CNGB1: variants seen among roughly 807,000 people sequenced by gnomAD.
The protein encoded by CNGB1 is cyclic nucleotide-gated channel beta-1.
In CNGB1, 126 loss-of-function variants were observed where a neutral mutation model predicts 151.7. The ratio of observed to expected loss-of-function variants is 0.83; its 90% CI spans 0.72 to 0.96. The LOEUF (loss-of-function observed/expected upper bound fraction) is 0.96, where lower values mean the gene tolerates loss of function less well. Ranked by LOEUF, CNGB1 falls within the 40% of genes least tolerant of loss-of-function variation. The pLI, the probability that CNGB1 is intolerant of heterozygous loss-of-function variation, is 0.00. For missense variants in CNGB1, 1,698 were observed against 1,627.0 expected, an observed-to-expected ratio of 1.04 and a Z score of -0.75; for synonymous variants, 623 against 635.1, an observed-to-expected ratio of 0.98 and a Z score of 0.29.
At position 57,967,119 on chromosome 16, in the gene CNGB1, A is replaced by G. The variant is rs949153518; in HGVS notation, c.159+9T>C. On this transcript the variant is annotated intron_variant, in intron 2 of 32. Coordinates refer to ENST00000251102, the MANE Select transcript of CNGB1 (RefSeq NM_001297.5). ...GCCGGCCTGCCCCTCCTCCCGCTCT[A>G]CCTCTCACCATGGACTCGGACTCTG... 5 of 1,613,590 alleles carry G rather than the reference A, an allele frequency of 3.1e-6. No homozygotes were observed. Among genetic ancestry groups the G allele is most frequent in the Admixed American group, 3.3e-5 (2 of 59,952 alleles).
chr16:57,910,952 G>C (rs984019352), intron 25 of CNGB1, among the ~76,000 whole-genome samples: 8 of 152,154 alleles, frequency 5.3e-5, no homozygotes, highest in Non-Finnish European at 1.2e-4. Flanking sequence ...ACTTGTGCCA[G>C]ATTCTTTTTG....
At chr16:57,915,053 T>C (rs758647075) in intron 23 of CNGB1, among the ~76,000 whole-genome samples, 196 bp downstream of exon 23, 9 of 152,134 alleles carry the variant, frequency 5.9e-5, no homozygotes, top group African/African-American at 1.2e-4. Context: ...CTACCTAACA[T>C]GCAGCACCAC....
intron 24 of CNGB1, 97 bp downstream of exon 24, chr16:57,912,811 TTGTGTGTGTCGTGTGTGTGTTG>T: frequency 2.0e-6 from 2 of 1,000,610 alleles, no homozygotes; most frequent in South Asian, 1.3e-5. Flanking sequence ...TGTGTGTGTG[TTGTGTGTGTCGTGTGTGTGTTG>T]TGTGTGTGTC....
Position 57,884,282 on chromosome 16 carries a change from T to A in CNGB1, c.3638A>T (p.Glu1213Val), listed in dbSNP as rs1959842595. 1 of 1,612,590 alleles carries A rather than the reference T, an allele frequency of 6.2e-7. No homozygotes were observed. Among genetic ancestry groups the A allele is most frequent in the Admixed American group, 1.7e-5 (1 of 59,940 alleles). ...GTGCTCTTCGGGCTCGGCCGGCCCCTCCTCCTCTCCCTCCGGCCTCCCAAG... is the reference window on the plus strand; with the variant it reads ...GTGCTCTTCGGGCTCGGCCGGCCCCACCTCCTCTCCCTCCGGCCTCCCAAG... ...ASLGRPEGEE[E>V]GPAEPEEHSV... is the part of the protein sequence containing the mutation. Residue 1213 changes from glutamate (E) to valine (V), a missense_variant, in exon 33 of 33, where the codon GAG becomes GTG. Glu to Val is a moderately radical substitution (Grantham distance 121). Transcript: ENST00000251102.
At chr16:57,932,749 T>G (rs1406955584) in intron 16 of CNGB1, among the ~76,000 whole-genome samples, 1 of 151,926 alleles carries the variant, frequency 6.6e-6, no homozygotes, top group African/African-American at 2.4e-5. Context: ...CCCGGCTAAT[T>G]TTTTGTATTT....
chr16:57,951,581 T>C (rs1226767105), intron 12 of CNGB1, among the ~76,000 whole-genome samples: 4 of 152,152 alleles, frequency 2.6e-5, no homozygotes, highest in Middle Eastern at 3.2e-3. Flanking sequence ...ACTTTGGCTG[T>C]TATTGTTCAT....
intron 22 of CNGB1, 104 bp downstream of exon 22, chr16:57,916,024 TG>T (rs1440770494): frequency 9.3e-7 from 1 of 1,078,682 alleles, no homozygotes; most frequent in Non-Finnish European, 1.4e-6. Flanking sequence ...CATCCCTCCG[TG>T]TGGCAGAAAC....
intron 14 of CNGB1, chr16:57,946,716 T>G (rs1172714935): frequency 2.6e-5 from 4 of 152,250 alleles, no homozygotes; most frequent in African/African-American, 9.6e-5. Context: ...AACCTGTGTC[T>G]CTGCAAAGCT....
chr16:57,920,376 T>C lies in CNGB1; in HGVS notation c.1801+11A>G. On this transcript the variant is annotated intron_variant, in intron 19 of 32. Transcript: ENST00000251102. The stretch of plus-strand genomic sequence containing the variant: ...CCCATCCAGGTAGACCCCCTCCAGC[T>C]CCAGACTCACAGGGCTTGGGGCTCT... 2 of 1,613,980 alleles carry C rather than the reference T, an allele frequency of 1.2e-6. No individual in the cohort carries two copies. Among genetic ancestry groups the C allele is most frequent in the African/African-American group, 1.3e-5 (1 of 75,052 alleles).
chr16:57,932,077 C>T (rs971931199), intron 16 of CNGB1, among the ~76,000 whole-genome samples, 199 bp from the exon 17 acceptor site: 2 of 152,136 alleles, frequency 1.3e-5, no homozygotes, highest in African/African-American at 2.4e-5. Context: ...AGGGTCACAG[C>T]CACCAGCCCA....
At chr16:57,903,601 C>G (rs1406607310) in intron 27 of CNGB1, among the ~76,000 whole-genome samples, 2 of 152,158 alleles carry the variant, frequency 1.3e-5, no homozygotes, top group African/African-American at 4.8e-5. Flanking sequence ...GAAGACAAGC[C>G]CCCCGTCTCC....
chr16:57,885,598 CTTT>C, intron 32 of CNGB1, among the ~76,000 whole-genome samples: 1 of 138,262 alleles, frequency 7.2e-6, no homozygotes, highest in African/African-American at 2.7e-5. Context: ...TTCTTTCTTT[CTTT>C]CTTTCTTTCT....
At chr16:57,941,784 A>G (rs1424592078) in intron 14 of CNGB1, among the ~76,000 whole-genome samples, 1 of 152,322 alleles carries the variant, frequency 6.6e-6, no homozygotes, top group South Asian at 2.1e-4. Context: ...CTTTAAGATC[A>G]AGAACAAGAC....
At chr16:57,917,049 A>G (rs1350672821) in intron 21 of CNGB1, among the ~76,000 whole-genome samples, 1 of 152,224 alleles carries the variant, frequency 6.6e-6, no homozygotes, top group Non-Finnish European at 1.5e-5. Flanking sequence ...TGGTCCAGGA[A>G]CTATTTCACC....
In CNGB1 at chr16:57,960,919, C is replaced by T. The variant is rs1346487992; in HGVS notation, c.459-4G>A. ...CAGAAGCAGCCGCAGCCCAGGCCTG[C>T]AGAGGGGCCAGTGATCAGCAGAGTG... On this transcript the variant is annotated splice_polypyrimidine_tract_variant and splice_region_variant and intron_variant, in intron 7 of 32. Transcript: ENST00000251102. 6.2e-7 allele frequency: 1 copy of T among 1,614,118 alleles called. No homozygotes were observed.
chr16:57,930,750 C>CA (rs745809393), intron 17 of CNGB1, among the ~76,000 whole-genome samples: 1 of 151,890 alleles, frequency 6.6e-6, no homozygotes, highest in Non-Finnish European at 1.5e-5. Flanking sequence ...AAGCTAGTCC[C>CA]AAAAAGATAA....
chr16:57,952,585 C>T (rs1371114075), intron 12 of CNGB1, among the ~76,000 whole-genome samples: 1 of 148,044 alleles, frequency 6.8e-6, no homozygotes, highest in Non-Finnish European at 1.5e-5. Context: ...TCACTGCAAC[C>T]TCCGCCTCCC....
In CNGB1 at chr16:57,897,860, C is replaced by T. The variant is rs1960277470; in HGVS notation, c.3031G>A (p.Gly1011Ser). ...IIQAGQVQVL[G>S]GPDGKSVLVT... Reference sequence around the variant, plus strand: ...AGCACAGATTTCCCATCAGGGCCGCCCAAGACCTGCACTTGCCCTGCCTGG... The same window carrying T: ...AGCACAGATTTCCCATCAGGGCCGCTCAAGACCTGCACTTGCCCTGCCTGG... The change falls in exon 30 of 33, where the codon GGC (glycine) becomes AGC (serine). Residue 1011 changes from glycine (G) to serine (S), a missense_variant. Physicochemically the swap from Gly to Ser is moderately conservative, Grantham distance 56 (BLOSUM62 0). Coordinates refer to ENST00000251102, the MANE Select transcript of CNGB1 (RefSeq NM_001297.5). The T allele has an allele frequency of 6.2e-7, 1 of 1,614,096 alleles. No individual in the cohort carries two copies. Among genetic ancestry groups the T allele is most frequent in the African/African-American group, 1.3e-5 (1 of 74,926 alleles).
chr16:57,969,586 G>A (rs1237549066), intron 1 of CNGB1, among the ~76,000 whole-genome samples: 4 of 152,190 alleles, frequency 2.6e-5, no homozygotes, highest in Non-Finnish European at 5.9e-5. Flanking sequence ...CAGCCTGGTC[G>A]ACAGAGTAAG....
Sources: allele counts gnomAD v4.1 joint callset (sites outside exome capture counted in the v4.1 genomes callset), GRCh38; gene constraint gnomAD v4.1.1; transcripts MANE v1.5; gene names NCBI Gene and HGNC (gene_info 2026-07-23, HGNC 2026-07-21).